BNC2: variants seen among roughly 807,000 people sequenced by gnomAD.
BNC2 encodes the protein zinc finger protein basonuclin-2.
Under a neutral mutation model 76.3 loss-of-function variants are expected in BNC2, and 20 were observed. The observed-to-expected ratio is 0.26, with a 90% CI of 0.18 to 0.38. The LOEUF is 0.38. Among genes scored for constraint, BNC2 ranks in the 10% least tolerant of loss-of-function variants. The probability of loss-of-function intolerance (pLI) is 1.00; values close to 1 mark genes in which losing one functional copy is unlikely to be tolerated. For synonymous variants in BNC2, 582 were observed against 514.8 expected (o/e 1.13, Z -1.77); for missense variants, 1,382 against 1,399.8 (o/e 0.99, Z 0.20).
chr9:16,774,604 T>C (rs1052481036), intron 1 of BNC2, among the ~76,000 whole-genome samples: 20 of 152,222 alleles, frequency 1.3e-4, no homozygotes, highest in Non-Finnish European at 5.9e-5. Context: ...TTTTATTAAA[T>C]TACTCTGAAC....
intron 1 of BNC2, among the ~76,000 whole-genome samples, chr9:16,754,793 G>C (rs1462837419): frequency 6.6e-6 from 1 of 152,080 alleles, no homozygotes; most frequent in Admixed American, 6.6e-5. Context: ...CCTCACCTCA[G>C]GTGATCTGCC....
chr9:16,481,729 G>T (rs1822061538), intron 5 of BNC2, among the ~76,000 whole-genome samples: 1 of 152,012 alleles, frequency 6.6e-6, no homozygotes, highest in Non-Finnish European at 1.5e-5. Flanking sequence ...GTTAGTTTCT[G>T]AGTAAAAATT....
intron 1 of BNC2, among the ~76,000 whole-genome samples, chr9:16,862,912 TAG>T (rs1819446268): frequency 2.4e-5 from 2 of 83,892 alleles, no homozygotes; most frequent in Admixed American, 3.7e-4. Context: ...TATATATAGA[TAG>T]ATTTTTTTTT....
At position 16,435,719 on chromosome 9, in the gene BNC2, G is replaced by T. The variant is rs754961602; in HGVS notation, c.2475C>A (p.Asp825Glu). ...TTTTGGGGTCTGGGCTAGAACATAG[G>T]TCACCTTCTGGGGAGAACTTTTGAG... ...GSPQKFSPEG[D>E]LCSSPDPKIC... The change falls in exon 6 of 7, where the codon GAC (aspartate) becomes GAA (glutamate). Residue 825 changes from aspartate (D) to glutamate (E), a missense_variant. Coordinates refer to ENST00000380672, the MANE Select transcript of BNC2 (RefSeq NM_017637.6). 2 of 1,613,902 alleles carry T rather than the reference G, an allele frequency of 1.2e-6. No individual in the cohort carries two copies. Among genetic ancestry groups the T allele is most frequent in the African/African-American group, 1.3e-5 (1 of 74,888 alleles).
chr9:16,823,941 C>T (rs2135965476), intron 1 of BNC2, among the ~76,000 whole-genome samples: 1 of 152,166 alleles, frequency 6.6e-6, no homozygotes, highest in South Asian at 2.1e-4. Flanking sequence ...TTATAAGATG[C>T]CTACAGACAA....
intron 6 of BNC2, chr9:16,429,304 G>T (rs959794658): frequency 6.6e-6 from 1 of 152,192 alleles, no homozygotes; most frequent in African/African-American, 2.4e-5. Flanking sequence ...ACTTACCTGA[G>T]TTATACAAGT....
intron 4 of BNC2, among the ~76,000 whole-genome samples, chr9:16,561,597 C>T (rs1819017837): frequency 6.6e-6 from 1 of 152,070 alleles, no homozygotes; most frequent in South Asian, 2.1e-4. Context: ...AAAATTGTAC[C>T]CTTCCTTCTT....
intron 1 of BNC2, among the ~76,000 whole-genome samples, chr9:16,868,772 C>T (rs544236620): frequency 6.6e-6 from 1 of 151,678 alleles, no homozygotes. Context: ...AACACAGATA[C>T]TCTCTAAAGG....
chr9:16,852,280 C>T (rs1819145734), intron 1 of BNC2, among the ~76,000 whole-genome samples: 1 of 152,040 alleles, frequency 6.6e-6, no homozygotes, highest in African/African-American at 2.4e-5. Flanking sequence ...AATATATTTT[C>T]CCCCAAATCG....
chr9:16,672,324 C>T (rs182304797), intron 3 of BNC2, among the ~76,000 whole-genome samples: 4 of 152,038 alleles, frequency 2.6e-5, no homozygotes, highest in Admixed American at 6.6e-5. Context: ...GGTGAAACCC[C>T]GTCTCTACTA....
At chr9:16,806,618 G>C (rs1817920674) in intron 1 of BNC2, among the ~76,000 whole-genome samples, 1 of 152,144 alleles carries the variant, frequency 6.6e-6, no homozygotes, top group African/African-American at 2.4e-5. Context: ...GGAGAAATCA[G>C]AGAAAGACCC....
At chr9:16,591,065 C>A (rs939022347) in intron 3 of BNC2, among the ~76,000 whole-genome samples, 1 of 152,162 alleles carries the variant, frequency 6.6e-6, no homozygotes, top group African/African-American at 2.4e-5. Flanking sequence ...GACTAAAAAA[C>A]TCACATGATA....
At chr9:16,721,253 C>G (rs1472067629) in intron 3 of BNC2, among the ~76,000 whole-genome samples, 1 of 152,120 alleles carries the variant, frequency 6.6e-6, no homozygotes, top group Non-Finnish European at 1.5e-5. Flanking sequence ...AACATTCCCT[C>G]TATTACCCAA....
intron 3 of BNC2, among the ~76,000 whole-genome samples, chr9:16,588,506 A>G (rs959707658): frequency 6.6e-6 from 1 of 152,198 alleles, no homozygotes; most frequent in Non-Finnish European, 1.5e-5. Flanking sequence ...GGAGAAGAAG[A>G]CAAATCTCCC....
intron 3 of BNC2, among the ~76,000 whole-genome samples, chr9:16,654,261 C>T (rs1821868169): frequency 6.6e-6 from 1 of 152,134 alleles, no homozygotes. Flanking sequence ...ACCCCAACAC[C>T]ATTTATTTTT....
intron 5 of BNC2, among the ~76,000 whole-genome samples, chr9:16,532,545 C>A (rs1818014778): frequency 1.3e-5 from 2 of 152,016 alleles, no homozygotes; most frequent in South Asian, 4.2e-4. Context: ...CTCATGCCAG[C>A]CTATGAGAGC....
intron 5 of BNC2, among the ~76,000 whole-genome samples, chr9:16,456,287 A>G (rs1260293089): frequency 6.6e-6 from 1 of 152,150 alleles, no homozygotes; most frequent in Non-Finnish European, 1.5e-5. Flanking sequence ...AGTCTCAAAT[A>G]GACATTGCCT....
chr9:16,513,067 TTGCAGGGAGCTGAGATCACACCAG>T (rs1370594278), intron 5 of BNC2, among the ~76,000 whole-genome samples: 1 of 151,890 alleles, frequency 6.6e-6, no homozygotes, highest in Non-Finnish European at 1.5e-5. Context: ...CCTGCAGAGG[TTGCAGGGAGCTGAGATCACACCAG>T]TGCACTCCAG....
intron 5 of BNC2, among the ~76,000 whole-genome samples, chr9:16,545,126 A>G (rs2132431727): frequency 6.6e-6 from 1 of 152,328 alleles, no homozygotes; most frequent in Admixed American, 6.5e-5. Flanking sequence ...TCATATGTAC[A>G]TACATATATA....
Sources: allele counts gnomAD v4.1 joint callset (sites outside exome capture counted in the v4.1 genomes callset), GRCh38; gene constraint gnomAD v4.1.1; transcripts MANE v1.5; gene names NCBI Gene and HGNC (gene_info 2026-07-23, HGNC 2026-07-21).